ATRNL1: variants seen among roughly 807,000 people sequenced by gnomAD.
ATRNL1 encodes the protein attractin-like protein 1.
In ATRNL1, 95 loss-of-function variants were observed where a neutral mutation model predicts 182.7. That is an observed-to-expected ratio of 0.52 (90% CI 0.44 to 0.62). The LOEUF (loss-of-function observed/expected upper bound fraction) is 0.62. Among genes scored for constraint, ATRNL1 ranks in the 20% least tolerant of loss-of-function variants. ATRNL1 has a pLI of 0.00. For missense variants in ATRNL1, 1,471 were observed against 1,679.5 expected, an observed-to-expected ratio of 0.88 and a Z score of 2.17; for synonymous variants, 576 against 568.3, an observed-to-expected ratio of 1.01 and a Z score of -0.19.
At chr10:115,537,763 C>T (rs192305526) in intron 25 of ATRNL1, among the ~76,000 whole-genome samples, 7 of 151,934 alleles carry the variant, frequency 4.6e-5, no homozygotes, top group Admixed American at 2.0e-4. Flanking sequence ...ATTCCTTTTG[C>T]GGGGAGTACA....
chr10:115,598,378 T>TTTATTTA, intron 26 of ATRNL1, among the ~76,000 whole-genome samples: 2 of 151,356 alleles, frequency 1.3e-5, no homozygotes, highest in Non-Finnish European at 1.5e-5. Flanking sequence ...TATTTATTTA[T>TTTATTTA]TTTGAGACGG....
chr10:115,639,897 TG>T (rs1555029666), intron 26 of ATRNL1, among the ~76,000 whole-genome samples: 1 of 152,108 alleles, frequency 6.6e-6, no homozygotes, highest in African/African-American at 2.4e-5. Context: ...GGTGGTTTGT[TG>T]CGCCCATCAA....
intron 26 of ATRNL1, among the ~76,000 whole-genome samples, chr10:115,656,737 A>T (rs923989676): frequency 6.6e-6 from 1 of 152,112 alleles, no homozygotes; most frequent in South Asian, 2.1e-4. Context: ...ACTGACCCCC[A>T]AGTTGTGATT....
chr10:115,290,990 G>A (rs1160883399), intron 15 of ATRNL1, among the ~76,000 whole-genome samples: 4 of 152,206 alleles, frequency 2.6e-5, no homozygotes, highest in Non-Finnish European at 4.4e-5. Context: ...TAGCCTCCAC[G>A]TTGAACATGC....
At chr10:115,798,914 C>T (rs367944552) in intron 27 of ATRNL1, among the ~76,000 whole-genome samples, 51 of 150,080 alleles carry the variant, frequency 3.4e-4, no homozygotes, top group African/African-American at 1.2e-3. Context: ...ACAACCTCCG[C>T]TTCCTGGGCT....
chr10:115,418,583 C>T (rs1310994088), intron 20 of ATRNL1, among the ~76,000 whole-genome samples: 5 of 151,880 alleles, frequency 3.3e-5, no homozygotes, highest in Admixed American at 6.6e-5. Flanking sequence ...ATGTGAATGC[C>T]CAATTATAGC....
chr10:115,256,268 G>A (rs1851131172), intron 10 of ATRNL1, among the ~76,000 whole-genome samples: 1 of 152,052 alleles, frequency 6.6e-6, no homozygotes, highest in Non-Finnish European at 1.5e-5. Flanking sequence ...ATCTGGTCCT[G>A]GACTTTTTTT....
intron 27 of ATRNL1, among the ~76,000 whole-genome samples, chr10:115,824,047 C>T (rs923349278): frequency 6.6e-6 from 1 of 152,082 alleles, no homozygotes; most frequent in African/African-American, 2.4e-5. Flanking sequence ...GCTACAGTAA[C>T]CAAAACAGCA....
At chr10:115,221,637 T>A (rs1182721582) in intron 9 of ATRNL1, among the ~76,000 whole-genome samples, 1 of 152,122 alleles carries the variant, frequency 6.6e-6, no homozygotes, top group Admixed American at 6.5e-5. Flanking sequence ...CAGTTAGAAA[T>A]CCTGGAAACC....
At chr10:115,581,256 A>T (rs918226706) in intron 26 of ATRNL1, among the ~76,000 whole-genome samples, 15 of 151,772 alleles carry the variant, frequency 9.9e-5, no homozygotes, top group East Asian at 5.8e-4. Flanking sequence ...TTTTTCAGTG[A>T]TCCCCAATTA....
At chr10:115,410,226 A>C (rs890415553) in intron 20 of ATRNL1, among the ~76,000 whole-genome samples, 6 of 151,596 alleles carry the variant, frequency 4.0e-5, no homozygotes, top group African/African-American at 1.5e-4. Context: ...ATCAGGGTTA[A>C]CCTAGTCCTG....
At chr10:115,335,725 A>T (rs1286068950) in intron 19 of ATRNL1, among the ~76,000 whole-genome samples, 1 of 152,204 alleles carries the variant, frequency 6.6e-6, no homozygotes, top group Non-Finnish European at 1.5e-5. Flanking sequence ...GTGTACTTCA[A>T]ATCATCTTTA....
At chr10:115,913,025 G>A (rs11598826) in intron 28 of ATRNL1, among the ~76,000 whole-genome samples, 1,548 of 152,292 alleles carry the variant, frequency 0.01, 17 homozygotes, top group Middle Eastern at 0.014. Context: ...GTATGAAAAC[G>A]TTGATGTGGT....
chr10:115,594,740 A>G (rs1186888871), intron 26 of ATRNL1, among the ~76,000 whole-genome samples: 3 of 152,212 alleles, frequency 2.0e-5, no homozygotes, highest in African/African-American at 7.2e-5. Context: ...CCTGACTTCA[A>G]GTGATCCACC....
At chr10:115,176,418 A>G (rs1354747140) in intron 8 of ATRNL1, among the ~76,000 whole-genome samples, 2 of 152,098 alleles carry the variant, frequency 1.3e-5, no homozygotes, top group African/African-American at 4.8e-5. Flanking sequence ...TGCATGTTGT[A>G]AATAAACTTT....
At chr10:115,652,863 A>G (rs1336570324) in intron 26 of ATRNL1, among the ~76,000 whole-genome samples, 2 of 152,108 alleles carry the variant, frequency 1.3e-5, no homozygotes, top group Admixed American at 1.3e-4. Context: ...TTATAGATGA[A>G]TTATTAAGAG....
At chr10:115,573,453 G>A (rs966877759) in intron 26 of ATRNL1, among the ~76,000 whole-genome samples, 1 of 151,870 alleles carries the variant, frequency 6.6e-6, no homozygotes, top group East Asian at 1.9e-4. Flanking sequence ...CAGGATGGGG[G>A]CATGGCTGGG....
chr10:115,449,346 C>T (rs184397937), intron 21 of ATRNL1, among the ~76,000 whole-genome samples: 10 of 152,166 alleles, frequency 6.6e-5, no homozygotes, highest in Middle Eastern at 3.4e-3. Context: ...AGCAAGACTC[C>T]GGGGAAAGAC....
intron 24 of ATRNL1, among the ~76,000 whole-genome samples, chr10:115,503,295 A>G (rs1323986022): frequency 3.3e-5 from 5 of 152,182 alleles, no homozygotes; most frequent in Non-Finnish European, 4.4e-5. Context: ...AAGGGAAAAG[A>G]AAAGGCCTTT....
Sources: gnomAD v4.1 joint callset for allele counts (sites outside exome capture counted in the v4.1 genomes callset) on GRCh38, gnomAD v4.1.1 for gene constraint, MANE v1.5 for transcripts, NCBI Gene and HGNC (gene_info 2026-07-23, HGNC 2026-07-21) for gene names.